ECE1: variants seen among roughly 807,000 people sequenced by gnomAD.
ECE1 encodes the protein endothelin-converting enzyme 1.
ECE1 carries 35 observed loss-of-function variants against 98.6 expected under a neutral mutation model. The observed-to-expected ratio is 0.35, with a 90% CI of 0.27 to 0.47. ECE1 has a LOEUF of 0.47. ECE1 is among the 20% of genes least tolerant of loss of function. The probability of loss-of-function intolerance (pLI) is 1.00; values close to 1 mark genes in which losing one functional copy is unlikely to be tolerated. For synonymous variants in ECE1, 394 were observed against 407.1 expected, an observed-to-expected ratio of 0.97 and a Z score of 0.39; for missense variants, 814 against 1,025.3, an observed-to-expected ratio of 0.79 and a Z score of 2.81.
At chr1:21,283,762 C>T (rs1328089827) in intron 2 of ECE1, among the ~76,000 whole-genome samples, 3 of 152,200 alleles carry the variant, frequency 2.0e-5, no homozygotes, top group Non-Finnish European at 4.4e-5. Flanking sequence ...TGAATCTAAA[C>T]AGATGGTGTT....
intron 3 of ECE1, 35 bp from the exon 4 acceptor site, chr1:21,272,946 C>T (rs925124879): frequency 5.0e-6 from 8 of 1,611,934 alleles, no homozygotes; most frequent in African/African-American, 2.7e-5. Context: ...CAGTGAAGGG[C>T]AGGCAGGGAA....
chr1:21,307,354 G>C lies in ECE1; in HGVS notation c.4-17198C>G, dbSNP rs1013387295. ...GGCTGCTTAGCAGCTGTGTGATGTT[G>C]AGCGAGTCATGTCACCTCTCGGAGC... On this transcript the variant is annotated intron_variant, in intron 1 of 18. Transcript: ENST00000415912. The surrounding 1 kb of genome is among the most constrained non-coding windows in gnomAD (Gnocchi z 4.2). 1.3e-5 allele frequency among the ~76,000 whole-genome samples: 2 copies of C among 152,192 alleles called. No individual in the cohort carries two copies. Among genetic ancestry groups the C allele is most frequent in the Non-Finnish European group, 1.5e-5 (1 of 68,044 alleles).
In ECE1 at chr1:21,219,431, G is replaced by A. The variant is rs1217882282; in HGVS notation, c.*524C>T. The A allele has an allele frequency of 1.2e-5, 2 of 164,130 alleles. No homozygotes were observed. Among genetic ancestry groups the A allele is most frequent in the Non-Finnish European group, 2.7e-5 (2 of 74,626 alleles). The allele number at this position is 164,130 out of a possible 1,614,324, so 10.2% of individuals were successfully genotyped here. The stretch of plus-strand genomic sequence containing the variant: ...CTGTGGCCCAGGGATCCGTGCCTCA[G>A]CCCAGCCTCACAGGGAGTGGGGAAG... On this transcript the variant is annotated 3_prime_UTR_variant, in exon 19 of 19. Coordinates refer to ENST00000374893, the MANE Select transcript of ECE1 (RefSeq NM_001397.3). This position sits in a 1 kb window ranked among gnomAD's most constrained non-coding sequence, Gnocchi z 4.5.
intron 3 of ECE1, 87 bp from the exon 4 acceptor site, chr1:21,272,998 C>G: frequency 7.0e-7 from 1 of 1,431,208 alleles, no homozygotes; most frequent in South Asian, 1.2e-5. Flanking sequence ...GCCCAGGGGC[C>G]ACATGTCCCA....
intron 1 of ECE1, among the ~76,000 whole-genome samples, chr1:21,339,465 C>T (rs1324373607): frequency 2.0e-5 from 3 of 152,148 alleles, no homozygotes; most frequent in East Asian, 1.9e-4. Flanking sequence ...GTCTAGCTCC[C>T]GTCCCTAATT....
intron 10 of ECE1, chr1:21,238,475 A>G: frequency 1.7e-6 from 1 of 591,674 alleles, no homozygotes; most frequent in Non-Finnish European, 3.0e-6. Context: ...CTTCACAAAT[A>G]GTGTCCCGTT....
At chr1:21,234,984 G>A (rs1343918577) in intron 13 of ECE1, among the ~76,000 whole-genome samples, 1 of 152,158 alleles carries the variant, frequency 6.6e-6, no homozygotes, top group Non-Finnish European at 1.5e-5. Context: ...TATAGTCTTA[G>A]GTTCTAAATA....
intron 10 of ECE1, among the ~76,000 whole-genome samples, chr1:21,240,533 C>T (rs980733427): frequency 6.6e-6 from 1 of 152,202 alleles, no homozygotes; most frequent in Admixed American, 6.5e-5. Flanking sequence ...ACTTAATGTA[C>T]ACTGCATTTT....
rs562369878 is a variant in ECE1, at chr1:21,233,142, C to T, written c.1670+416G>A. The stretch of plus-strand genomic sequence containing the variant: ...AGTGAGGAACAATGGGAAAGCTGCT[C>T]TTGCTGGGGCCTCCTTGGGGTCTGG... On this transcript the variant is annotated intron_variant, in intron 14 of 18. Transcript: ENST00000374893. The surrounding 1 kb of genome is among the most constrained non-coding windows in gnomAD (Gnocchi z 4.0). 167 of 188,168 alleles carry T rather than the reference C, an allele frequency of 8.9e-4. 1 individual carries two copies. The highest frequency in any genetic ancestry group is 3.6e-3 in the African/African-American group (154 of 42,540). 11.7% of individuals were successfully genotyped at this position (188,168 alleles called of 1,614,324 possible).
At chr1:21,339,779 C>A (rs1258805038) in intron 1 of ECE1, among the ~76,000 whole-genome samples, 1 of 152,176 alleles carries the variant, frequency 6.6e-6, no homozygotes, top group South Asian at 2.1e-4. Context: ...CCTGTTTACA[C>A]CTCCCCCCAG....
At chr1:21,303,632 C>G (rs1006505366) in intron 1 of ECE1, among the ~76,000 whole-genome samples, 5 of 152,162 alleles carry the variant, frequency 3.3e-5, no homozygotes, top group Admixed American at 3.3e-4. Context: ...ATTTGGCCTA[C>G]GGCACTAGGA....
chr1:21,252,141 T>C (rs1486871799), intron 8 of ECE1, among the ~76,000 whole-genome samples: 1 of 152,238 alleles, frequency 6.6e-6, no homozygotes, highest in African/African-American at 2.4e-5. Context: ...AAGGTACAGA[T>C]ATAAGACGGT....
At chr1:21,282,519 T>C (rs115913851) in intron 2 of ECE1, among the ~76,000 whole-genome samples, 6,335 of 145,726 alleles carry the variant, frequency 0.043, 193 homozygotes, top group Non-Finnish European at 0.062. Context: ...AACTGGGAGC[T>C]GGAGGCTGCA....
chr1:21,271,494 G>C (rs929644152), intron 4 of ECE1, among the ~76,000 whole-genome samples: 14 of 152,220 alleles, frequency 9.2e-5, no homozygotes, highest in African/African-American at 3.1e-4. Flanking sequence ...GTCGGATCTA[G>C]GTTCTGTTGT....
intron 4 of ECE1, among the ~76,000 whole-genome samples, chr1:21,269,405 G>T (rs779265257): frequency 6.6e-6 from 1 of 152,172 alleles, no homozygotes; most frequent in East Asian, 1.9e-4. Context: ...ACATACCAGC[G>T]CTTCTCTAAT....
intron 1 of ECE1, among the ~76,000 whole-genome samples, chr1:21,332,602 G>A (rs1468257566): frequency 9.9e-6 from 1 of 100,628 alleles, no homozygotes; most frequent in Admixed American, 9.7e-5. Flanking sequence ...GGAGGGGGGA[G>A]GAGGGGGGGA....
intron 2 of ECE1, among the ~76,000 whole-genome samples, chr1:21,283,107 A>G (rs1473179662): frequency 6.6e-6 from 1 of 151,408 alleles, no homozygotes; most frequent in Non-Finnish European, 1.5e-5. Flanking sequence ...ACACCTGGCT[A>G]ATTTTTTGTA....
chr1:21,257,792 C>A (rs549869774), intron 6 of ECE1, among the ~76,000 whole-genome samples: 15 of 152,040 alleles, frequency 9.9e-5, no homozygotes, highest in Non-Finnish European at 1.8e-4. Flanking sequence ...GTGGCCCCCC[C>A]CCGCAGGGCT....
At chr1:21,318,909 T>C (rs921124986) in intron 1 of ECE1, among the ~76,000 whole-genome samples, 1 of 152,168 alleles carries the variant, frequency 6.6e-6, no homozygotes, top group Non-Finnish European at 1.5e-5. Flanking sequence ...AAATGTGACG[T>C]CAGCAGAGGC....
Sources: gnomAD v4.1 joint callset for allele counts (sites outside exome capture counted in the v4.1 genomes callset) on GRCh38, gnomAD v4.1.1 for gene constraint, Gnocchi (gnomAD v3.1) non-coding constraint, MANE v1.5 for transcripts, NCBI Gene and HGNC (gene_info 2026-07-23, HGNC 2026-07-21) for gene names.